The following TRAPPC9 variants were observed in gnomAD, a reference collection of about 807,000 sequenced individuals.
The protein encoded by TRAPPC9 is IKK2 binding protein.
TRAPPC9 carries 83 observed loss-of-function variants against 124.0 expected under a neutral mutation model. The observed-to-expected ratio is 0.67, with a 90% CI of 0.56 to 0.80. TRAPPC9 has a LOEUF of 0.80. Ranked by LOEUF, TRAPPC9 falls within the 30% of genes least tolerant of loss-of-function variation. The pLI, the probability that TRAPPC9 is intolerant of heterozygous loss-of-function variation, is 0.00. For synonymous variants in TRAPPC9, 638 were observed against 617.5 expected, an observed-to-expected ratio of 1.03 and a Z score of -0.49; for missense variants, 1,302 against 1,508.3, an observed-to-expected ratio of 0.86 and a Z score of 2.27.
At chr8:139,845,708 C>T (rs1827032694) in intron 21 of TRAPPC9, among the ~76,000 whole-genome samples, 1 of 152,212 alleles carries the variant, frequency 6.6e-6, no homozygotes, top group Non-Finnish European at 1.5e-5. Context: ...AGTGCAGGTG[C>T]CTGGCACTGG....
intron 19 of TRAPPC9, among the ~76,000 whole-genome samples, chr8:139,938,984 A>G (rs1457987964): frequency 6.6e-6 from 1 of 152,206 alleles, no homozygotes; most frequent in African/African-American, 2.4e-5. Context: ...AAATAAGACA[A>G]ATGAATAAAG....
chr8:140,367,668 A>C (rs958575541), intron 8 of TRAPPC9, among the ~76,000 whole-genome samples: 2 of 152,194 alleles, frequency 1.3e-5, no homozygotes, highest in African/African-American at 4.8e-5. Flanking sequence ...ATCACTACAC[A>C]TTTGTCAAAA....
At chr8:140,434,266 C>T (rs1178176457) in intron 4 of TRAPPC9, among the ~76,000 whole-genome samples, 2 of 152,146 alleles carry the variant, frequency 1.3e-5, no homozygotes. Context: ...TTCTTTGTGA[C>T]CTATGCAACA....
intron 21 of TRAPPC9, among the ~76,000 whole-genome samples, chr8:139,752,544 C>G (rs548477165): frequency 7.8e-4 from 118 of 151,786 alleles, no homozygotes; most frequent in Non-Finnish European, 1.1e-3. Context: ...ATCCATCCAC[C>G]ATCCATCTAT....
At chr8:139,758,027 C>T (rs546484696) in intron 21 of TRAPPC9, among the ~76,000 whole-genome samples, 51 of 152,204 alleles carry the variant, frequency 3.4e-4, no homozygotes, top group Non-Finnish European at 1.9e-4. Flanking sequence ...AGGGATTGGG[C>T]CTGGGCCTCG....
intron 17 of TRAPPC9, among the ~76,000 whole-genome samples, chr8:140,201,304 GAATT>G (rs1272606396): frequency 1.3e-5 from 2 of 152,328 alleles, no homozygotes; most frequent in East Asian, 3.9e-4. Context: ...TTTCACAATG[GAATT>G]AATTACAGTT....
chr8:139,740,523 C>T (rs187432281), intron 21 of TRAPPC9, among the ~76,000 whole-genome samples: 95 of 152,326 alleles, frequency 6.2e-4, no homozygotes, highest in Non-Finnish European at 9.7e-4. Context: ...TCTCACTCAG[C>T]GCCCACATCC....
rs1554689955 is a variant in TRAPPC9, at chr8:140,451,083, C to G, written c.291G>C (p.Glu97Asp). ...FSAKDWPQTF[E>D]KFHVQKEIYG... Reference sequence around the variant, plus strand: ...AGATCTCCTTCTGCACGTGGAACTTCTCAAAGGTCTGTGGCCAGTCCTTGG... The same window carrying G: ...AGATCTCCTTCTGCACGTGGAACTTGTCAAAGGTCTGTGGCCAGTCCTTGG... The change falls in exon 2 of 23, where the codon GAG becomes GAC. Residue 97 changes from glutamate to aspartate, a missense_variant. Glu to Asp is a conservative substitution (Grantham distance 45). Transcript: ENST00000438773. The G allele has an allele frequency of 6.2e-7, 1 of 1,614,052 alleles. No homozygotes were observed. Among genetic ancestry groups the G allele is most frequent in the Non-Finnish European group, 8.5e-7 (1 of 1,180,008 alleles).
rs982457410 is a variant in TRAPPC9, at chr8:139,984,610, C to T, written c.2810+4116G>A. Among the ~76,000 whole-genome samples, 10 of 152,226 alleles carry T rather than the reference C, an allele frequency of 6.6e-5. No homozygotes were observed. In the East Asian group the frequency reaches 9.6e-4, roughly 15 times the overall value. On this transcript the variant is annotated intron_variant, in intron 19 of 22. Transcript: ENST00000438773. This position sits in a 1 kb window ranked among gnomAD's most constrained non-coding sequence, Gnocchi z 4.3. The stretch of plus-strand genomic sequence containing the variant: ...CTGAGGTCTGTAAGGTGCTGTCCGG[C>T]GTTGCGAAGTAAGGTAGAGCCATTT...
At position 139,988,814 on chromosome 8, in the gene TRAPPC9, G is replaced by A. The variant is rs749807139; in HGVS notation, c.2722C>T (p.Leu908=). ...ATSTRQCHLL[L]DVFNSTEHEL... is the part of the protein sequence containing the mutation. ...TGCTCGGTGGAGTTGAAGACATCCA[G>A]GAGCAGGTGACACTGCCGGGTACTG... The change falls in exon 19 of 23, where the codon CTG becomes TTG. Residue 908 remains leucine, a synonymous_variant. Transcript: ENST00000438773. The A allele has an allele frequency of 1.9e-6, 3 of 1,551,380 alleles. No homozygotes were observed. The highest frequency in any genetic ancestry group is 2.6e-6 in the Non-Finnish European group (3 of 1,146,854).
chr8:139,921,219 G>A (rs557902688), intron 19 of TRAPPC9, among the ~76,000 whole-genome samples: 1 of 152,342 alleles, frequency 6.6e-6, no homozygotes, highest in East Asian at 1.9e-4. Flanking sequence ...TAATGTGTGA[G>A]GGCAGGCAGT....
intron 18 of TRAPPC9, among the ~76,000 whole-genome samples, chr8:140,007,122 A>G (rs903600996): frequency 2.0e-5 from 3 of 152,334 alleles, no homozygotes; most frequent in African/African-American, 7.2e-5. Flanking sequence ...TCATCTCTCA[A>G]CTGACCCACA....
At chr8:140,391,982 C>T (rs1588270917) in intron 7 of TRAPPC9, among the ~76,000 whole-genome samples, 2 of 151,382 alleles carry the variant, frequency 1.3e-5, no homozygotes, top group African/African-American at 2.4e-5. Context: ...GCTGAGATCG[C>T]GCCACTGCAC....
intron 16 of TRAPPC9, among the ~76,000 whole-genome samples, chr8:140,228,488 A>C (rs1264868225): frequency 2.0e-5 from 3 of 152,248 alleles, no homozygotes; most frequent in African/African-American, 7.2e-5. Flanking sequence ...CTTAGGAAAG[A>C]AAAAATAATC....
At chr8:139,899,231 C>G (rs552650244) in intron 20 of TRAPPC9, among the ~76,000 whole-genome samples, 2 of 151,804 alleles carry the variant, frequency 1.3e-5, no homozygotes, top group African/African-American at 4.8e-5. Flanking sequence ...CCTACACAGT[C>G]GAAAATCCAC....
intron 21 of TRAPPC9, among the ~76,000 whole-genome samples, chr8:139,874,121 G>A (rs772291171): frequency 6.6e-6 from 1 of 152,244 alleles, no homozygotes; most frequent in Non-Finnish European, 1.5e-5. Context: ...AACTGACCAG[G>A]GCTGTCGTAA....
chr8:139,821,891 C>G (rs949460801), intron 21 of TRAPPC9, among the ~76,000 whole-genome samples: 3 of 152,128 alleles, frequency 2.0e-5, no homozygotes, highest in Non-Finnish European at 4.4e-5. Flanking sequence ...TGGAGCTCGA[C>G]GGAGAGAAAA....
intron 19 of TRAPPC9, among the ~76,000 whole-genome samples, chr8:139,968,734 G>A (rs913348268): frequency 6.6e-6 from 1 of 152,158 alleles, no homozygotes; most frequent in African/African-American, 2.4e-5. Flanking sequence ...GCACAAGAGC[G>A]AGTCACCCAA....
At chr8:140,074,288 G>GCATCCCCCGAACTACC (rs1843367078) in intron 17 of TRAPPC9, among the ~76,000 whole-genome samples, 1 of 152,154 alleles carries the variant, frequency 6.6e-6, no homozygotes, top group Non-Finnish European at 1.5e-5. Context: ...CTGGGACACA[G>GCATCCCCCGAACTACC]CATCCCCCGA....
Sources: allele counts gnomAD v4.1 joint callset (sites outside exome capture counted in the v4.1 genomes callset), GRCh38; gene constraint gnomAD v4.1.1; non-coding constraint Gnocchi (gnomAD v3.1); transcripts MANE v1.5; gene names NCBI Gene and HGNC (gene_info 2026-07-23, HGNC 2026-07-21).